The following NT5DC1 variants were observed in gnomAD, a reference collection of about 807,000 sequenced individuals.
The protein encoded by NT5DC1 is 5'-nucleotidase domain containing 1.
In NT5DC1, 42 loss-of-function variants were observed where a neutral mutation model predicts 59.4. The observed-to-expected ratio is 0.71, with a 90% CI of 0.55 to 0.92. The LOEUF is 0.92. NT5DC1 is among the 40% of genes least tolerant of loss of function. The pLI, the probability that NT5DC1 is intolerant of heterozygous loss-of-function variation, is 0.00. For synonymous variants in NT5DC1, 172 were observed against 188.1 expected (o/e 0.91, Z 0.70); for missense variants, 501 against 537.1 (o/e 0.93, Z 0.66).
intron 6 of NT5DC1, among the ~76,000 whole-genome samples, chr6:116,134,247 C>G (rs1174443121): frequency 2.0e-5 from 3 of 152,064 alleles, no homozygotes; most frequent in Admixed American, 1.3e-4. Context: ...CTATGTATAC[C>G]AGTTGCCAGG....
At chr6:116,140,080 A>C (rs927148332) in intron 6 of NT5DC1, among the ~76,000 whole-genome samples, 1 of 152,198 alleles carries the variant, frequency 6.6e-6, no homozygotes, top group African/African-American at 2.4e-5. Flanking sequence ...CCACAGGTTC[A>C]TAAAGCCAGT....
In NT5DC1 at chr6:116,108,482, A is replaced by G. The variant is rs200579903; in HGVS notation, c.257+47A>G. On this transcript the variant is annotated intron_variant, in intron 3 of 11. Coordinates refer to ENST00000319550, the MANE Select transcript of NT5DC1 (RefSeq NM_152729.3). The stretch of plus-strand genomic sequence containing the variant: ...GTCTAAACTTTACCTTCTCTGAGAC[A>G]CTTTATTACTGAGTGGCATATGACC... 12 of 1,037,368 alleles carry G rather than the reference A, an allele frequency of 1.2e-5. No individual in the cohort carries two copies. The East Asian group carries it at 2.8e-4, about 25-fold the overall frequency. The allele number at this position is 1,037,368 out of a possible 1,614,324, so 64.3% of individuals were successfully genotyped here.
In NT5DC1 at chr6:116,249,405, G is replaced by C. The variant is rs758997283; in HGVS notation, c.*5381G>C. The C allele has an allele frequency of 1.3e-5, 2 of 152,228 alleles. No individual in the cohort carries two copies. The highest frequency in any genetic ancestry group is 2.9e-5 in the Non-Finnish European group (2 of 68,034). The allele number at this position is 152,228 out of a possible 1,614,324, so 9.4% of individuals were successfully genotyped here. ...CATCCACAAAGCCCTCCTTACTGCA[G>C]AGAATGCAGAGGTATTTATCCAATA... On this transcript the variant is annotated 3_prime_UTR_variant, in exon 12 of 12. Transcript: ENST00000319550.
At chr6:116,141,716 T>G (rs1779766752) in intron 6 of NT5DC1, among the ~76,000 whole-genome samples, 3 of 151,998 alleles carry the variant, frequency 2.0e-5, no homozygotes, top group South Asian at 4.1e-4. Context: ...AAAGTTACTT[T>G]GCTTCTTATG....
At chr6:116,179,867 A>T (rs1440805521) in intron 6 of NT5DC1, among the ~76,000 whole-genome samples, 1 of 152,166 alleles carries the variant, frequency 6.6e-6, no homozygotes, top group Admixed American at 6.5e-5. Context: ...TCTTGATGTC[A>T]TGAAAATCAC....
At chr6:116,239,794 A>G (rs1028026337) in intron 11 of NT5DC1, among the ~76,000 whole-genome samples, 6 of 152,230 alleles carry the variant, frequency 3.9e-5, no homozygotes, top group Non-Finnish European at 8.8e-5. Flanking sequence ...CAATTCATAT[A>G]AAATTCAGTG....
chr6:116,221,927 G>A (rs1396284677), intron 7 of NT5DC1, among the ~76,000 whole-genome samples: 1 of 152,188 alleles, frequency 6.6e-6, no homozygotes, highest in Non-Finnish European at 1.5e-5. Context: ...GGAAATACCA[G>A]GAAATGTCTA....
Position 116,182,828 on chromosome 6 carries a change from C to G in NT5DC1, c.530-38226C>G, listed in dbSNP as rs566667664. 2.0e-5 allele frequency among the ~76,000 whole-genome samples: 3 copies of G among 152,122 alleles called. No homozygotes were observed. In the East Asian group the frequency reaches 5.8e-4, roughly 29 times the overall value. On this transcript the variant is annotated intron_variant, in intron 6 of 11. Coordinates refer to ENST00000319550, the MANE Select transcript of NT5DC1 (RefSeq NM_152729.3). ...TAGATTGTAAAGATTTTTTTCCCCA[C>G]TCTGTGGGTTGTCTGTTTACTCTGC...
intron 6 of NT5DC1, among the ~76,000 whole-genome samples, chr6:116,135,873 A>ATATATG (rs1491111454): frequency 5.6e-4 from 35 of 62,176 alleles, no homozygotes; most frequent in South Asian, 4.7e-3. Context: ...ATATATATAT[A>ATATATG]CACACATACA....
At chr6:116,114,598 A>G (rs1482823750) in intron 4 of NT5DC1, among the ~76,000 whole-genome samples, 1 of 151,832 alleles carries the variant, frequency 6.6e-6, no homozygotes, top group Admixed American at 6.6e-5. Flanking sequence ...TTATTAATGT[A>G]AAATCTGGCT....
intron 4 of NT5DC1, among the ~76,000 whole-genome samples, chr6:116,111,542 G>C (rs1049444110): frequency 4.6e-5 from 7 of 152,192 alleles, no homozygotes; most frequent in African/African-American, 1.7e-4. Context: ...TTTATAAATA[G>C]ACCTTATTAA....
At chr6:116,174,667 A>G (rs1780691976) in intron 6 of NT5DC1, among the ~76,000 whole-genome samples, 1 of 152,344 alleles carries the variant, frequency 6.6e-6, no homozygotes, top group South Asian at 2.1e-4. Context: ...TTTTAAAGAC[A>G]TCTTCGATTT....
rs545540785 is a variant in NT5DC1 at position 116,132,666 on chromosome 6, G to C, written c.529+14721G>C. On this transcript the variant is annotated intron_variant, in intron 6 of 11. Transcript: ENST00000319550. ...TTTAACTGAGTTACATTTCTGATGTGACAAGCTGTTGGCGAGAGAGCCCAC... is the reference window on the plus strand; with the variant it reads ...TTTAACTGAGTTACATTTCTGATGTCACAAGCTGTTGGCGAGAGAGCCCAC... Among the ~76,000 whole-genome samples the C allele has an allele frequency of 1.0e-3, 157 of 152,102 alleles. 1 individual carries two copies. The South Asian group carries it at 0.031, about 30-fold the overall frequency.
At chr6:116,189,547 A>G (rs1781074534) in intron 6 of NT5DC1, among the ~76,000 whole-genome samples, 3 of 151,994 alleles carry the variant, frequency 2.0e-5, no homozygotes, top group Non-Finnish European at 4.4e-5. Context: ...ACGAATGAGT[A>G]TTGGATGACA....
intron 9 of NT5DC1, 145 bp from the exon 10 acceptor site, chr6:116,238,042 G>C: frequency 1.8e-6 from 1 of 543,068 alleles, no homozygotes; most frequent in Non-Finnish European, 3.2e-6. Flanking sequence ...TCACCTGTGA[G>C]ATTATTCAAA....
At chr6:116,197,406 T>C (rs1221486253) in intron 6 of NT5DC1, among the ~76,000 whole-genome samples, 1 of 152,016 alleles carries the variant, frequency 6.6e-6, no homozygotes, top group Non-Finnish European at 1.5e-5. Flanking sequence ...TTTAAAATGC[T>C]AAGCAGAATT....
intron 4 of NT5DC1, among the ~76,000 whole-genome samples, chr6:116,114,409 C>T (rs1778927783): frequency 6.6e-6 from 1 of 151,620 alleles, no homozygotes; most frequent in Non-Finnish European, 1.5e-5. Flanking sequence ...TATTGGATTA[C>T]TCATTCATTC....
At chr6:116,160,776 A>C (rs1780307827) in intron 6 of NT5DC1, among the ~76,000 whole-genome samples, 1 of 152,140 alleles carries the variant, frequency 6.6e-6, no homozygotes, top group Non-Finnish European at 1.5e-5. Context: ...GAAGCCTTTA[A>C]TCTATCTTCA....
chr6:116,186,246 T>C (rs1194130886), intron 6 of NT5DC1, among the ~76,000 whole-genome samples: 2 of 152,044 alleles, frequency 1.3e-5, no homozygotes, highest in African/African-American at 4.8e-5. Flanking sequence ...CTGCTGTTAA[T>C]CTGATAGGTT....
Sources: allele counts gnomAD v4.1 joint callset (sites outside exome capture counted in the v4.1 genomes callset), GRCh38; gene constraint gnomAD v4.1.1; transcripts MANE v1.5; gene names NCBI Gene and HGNC (gene_info 2026-07-23, HGNC 2026-07-21).